UVRAG: variants seen among roughly 807,000 people sequenced by gnomAD.
UVRAG encodes the protein UV radiation resistance-associated gene protein.
UVRAG carries 19 observed loss-of-function variants against 78.0 expected under a neutral mutation model. The ratio of observed to expected loss-of-function variants is 0.24; its 90% CI spans 0.17 to 0.36. The LOEUF (loss-of-function observed/expected upper bound fraction) is 0.36. UVRAG is among the 10% of genes least tolerant of loss of function. The pLI is 1.00. For missense variants in UVRAG, 740 were observed against 853.8 expected (o/e 0.87, Z 1.66); for synonymous variants, 323 against 324.6 (o/e 1.00, Z 0.05).
At chr11:75,906,070 A>T (rs1947608238) in intron 5 of UVRAG, among the ~76,000 whole-genome samples, 1 of 152,154 alleles carries the variant, frequency 6.6e-6, no homozygotes, top group South Asian at 2.1e-4. Flanking sequence ...TGTTGAATGT[A>T]TGAGTTCTTT....
chr11:75,936,912 C>T (rs1009116585), intron 6 of UVRAG, among the ~76,000 whole-genome samples: 9 of 152,098 alleles, frequency 5.9e-5, no homozygotes, highest in Non-Finnish European at 1.2e-4. Flanking sequence ...GCTTAGGCCA[C>T]CATACCTGGC....
chr11:75,909,580 G>T (rs529116706), intron 5 of UVRAG, among the ~76,000 whole-genome samples: 54 of 151,980 alleles, frequency 3.6e-4, no homozygotes, highest in Non-Finnish European at 6.6e-4. Context: ...AAAAAGCTTT[G>T]CTTCTGTATA....
At chr11:75,970,557 C>G (rs1949103527) in intron 7 of UVRAG, among the ~76,000 whole-genome samples, 1 of 151,840 alleles carries the variant, frequency 6.6e-6, no homozygotes, top group Non-Finnish European at 1.5e-5. Context: ...ATGGTGAAAC[C>G]CTGTCTCTAC....
intron 12 of UVRAG, among the ~76,000 whole-genome samples, chr11:76,049,489 G>A (rs1247040545): frequency 6.6e-6 from 1 of 152,168 alleles, no homozygotes. Flanking sequence ...CATCTGATTT[G>A]TGGGGAGAAG....
At chr11:76,140,551 T>C (rs1398055619) in intron 14 of UVRAG, among the ~76,000 whole-genome samples, 160 bp from the exon 15 acceptor site, 1 of 152,162 alleles carries the variant, frequency 6.6e-6, no homozygotes, top group African/African-American at 2.4e-5. Flanking sequence ...CCTCATGTTG[T>C]TTTTTGCATT....
intron 5 of UVRAG, among the ~76,000 whole-genome samples, chr11:75,900,931 A>G (rs552157693): frequency 2.0e-5 from 3 of 152,322 alleles, no homozygotes; most frequent in African/African-American, 4.8e-5. Context: ...CACTGGGCCA[A>G]ATCTGAGGGG....
At chr11:76,003,234 CTA>C (rs1565114313) in intron 8 of UVRAG, among the ~76,000 whole-genome samples, 1 of 144,764 alleles carries the variant, frequency 6.9e-6, no homozygotes, top group Non-Finnish European at 1.5e-5. Flanking sequence ...TTCCTATACA[CTA>C]TGATTTTCAC....
At chr11:75,887,716 G>A (rs998631275) in intron 4 of UVRAG, among the ~76,000 whole-genome samples, 1 of 152,070 alleles carries the variant, frequency 6.6e-6, no homozygotes, top group African/African-American at 2.4e-5. Flanking sequence ...CAAAGTGCTG[G>A]GATTATAGGC....
chr11:76,134,927 G>A (rs1952574727), intron 14 of UVRAG, among the ~76,000 whole-genome samples: 1 of 152,154 alleles, frequency 6.6e-6, no homozygotes, highest in African/African-American at 2.4e-5. Flanking sequence ...AGCAGGAGGC[G>A]ATGGAGGGTG....
At chr11:75,837,771 A>G (rs572529788) in intron 1 of UVRAG, 1 of 152,218 alleles carries the variant, frequency 6.6e-6, no homozygotes, top group African/African-American at 2.4e-5. Context: ...TACCATCTAC[A>G]TTCTCATGCC....
intron 13 of UVRAG, among the ~76,000 whole-genome samples, chr11:76,074,479 A>G (rs1445587027): frequency 6.6e-6 from 1 of 152,216 alleles, no homozygotes; most frequent in African/African-American, 2.4e-5. Context: ...TCAATATTTA[A>G]GAGTATTACT....
chr11:76,010,057 TCCATTTCATAGTGCTC>T (rs749096121), intron 11 of UVRAG, among the ~76,000 whole-genome samples: 48 of 152,318 alleles, frequency 3.2e-4, no homozygotes, highest in Non-Finnish European at 6.3e-4. Context: ...TTGTCTGGTT[TCCATTTCATAGTGCTC>T]CCTCAGATAT....
intron 5 of UVRAG, 72 bp from the exon 6 acceptor site, chr11:75,911,882 C>T (rs1947747727): frequency 9.6e-7 from 1 of 1,045,648 alleles, no homozygotes; most frequent in African/African-American, 1.6e-5. Context: ...TTTAAAAAGA[C>T]AAGCATGATT....
At chr11:75,985,524 A>G (rs1949483608) in intron 8 of UVRAG, among the ~76,000 whole-genome samples, 1 of 152,070 alleles carries the variant, frequency 6.6e-6, no homozygotes, top group South Asian at 2.1e-4. Context: ...CTTTAATGAT[A>G]CCTTTAAATG....
chr11:75,999,269 A>G (rs1209361798), intron 8 of UVRAG, among the ~76,000 whole-genome samples: 2 of 151,396 alleles, frequency 1.3e-5, no homozygotes, highest in African/African-American at 2.4e-5. Context: ...TTCTAAGGCA[A>G]AAATAATGGT....
chr11:76,069,849 A>G (rs919638769), intron 13 of UVRAG, among the ~76,000 whole-genome samples: 1 of 152,138 alleles, frequency 6.6e-6, no homozygotes, highest in African/African-American at 2.4e-5. Flanking sequence ...CTTAAAGTGC[A>G]CCAAATCAAA....
intron 6 of UVRAG, among the ~76,000 whole-genome samples, chr11:75,952,257 A>G (rs1948717307): frequency 6.6e-6 from 1 of 152,082 alleles, no homozygotes; most frequent in African/African-American, 2.4e-5. Context: ...TCCTATACCT[A>G]TGGCTTTTAT....
chr11:76,128,721 A>AT (rs1952459506), intron 14 of UVRAG, among the ~76,000 whole-genome samples: 1 of 151,990 alleles, frequency 6.6e-6, no homozygotes, highest in African/African-American at 2.4e-5. Flanking sequence ...GGCTCAAGTG[A>AT]TTCCCCCCAC....
chr11:76,083,649 T>C (rs1951537468), intron 13 of UVRAG, among the ~76,000 whole-genome samples: 1 of 152,212 alleles, frequency 6.6e-6, no homozygotes, highest in Non-Finnish European at 1.5e-5. Flanking sequence ...CTATGACCAC[T>C]AAGCTAACCG....
Sources: gnomAD v4.1 joint callset for allele counts (sites outside exome capture counted in the v4.1 genomes callset) on GRCh38, gnomAD v4.1.1 for gene constraint, MANE v1.5 for transcripts, NCBI Gene and HGNC (gene_info 2026-07-23, HGNC 2026-07-21) for gene names.